Variants in NLRP5 observed in about 807,000 individuals in gnomAD.
The protein encoded by NLRP5 is NLR family pyrin domain containing 5.
Under a neutral mutation model 113.1 loss-of-function variants are expected in NLRP5, and 93 were observed. The observed-to-expected ratio is 0.82, with a 90% CI of 0.70 to 0.98. NLRP5 has a LOEUF of 0.98. Among genes scored for constraint, NLRP5 ranks in the 50% least tolerant of loss-of-function variants. The pLI, the probability that NLRP5 is intolerant of heterozygous loss-of-function variation, is 0.00. For synonymous variants in NLRP5, 751 were observed against 600.7 expected, an observed-to-expected ratio of 1.25 and a Z score of -3.66; for missense variants, 1,808 against 1,514.3, an observed-to-expected ratio of 1.19 and a Z score of -3.22.
At chr19:56,028,555 G>T in intron 7 of NLRP5, 46 bp downstream of exon 7, 1 of 1,542,348 alleles carries the variant, frequency 6.5e-7, no homozygotes, top group South Asian at 1.2e-5. Flanking sequence ...GCTGAGCTCT[G>T]TGTCTCTACT....
rs940298871 is a variant in NLRP5, at chr19:56,053,774, C to CTGAA, written c.3266_3269dup (p.Lys1090AsnfsTer21). 1.2e-6 allele frequency: 2 copies of CTGAA among 1,613,766 alleles called. No homozygotes were observed. The highest frequency in any genetic ancestry group is 1.7e-6 in the Non-Finnish European group (2 of 1,179,862). On this transcript the variant is annotated frameshift_variant, in exon 13 of 15. Transcript: ENST00000390649. LOFTEE classifies it high-confidence loss of function. ...TGGGGTTGCTGCGCTGTGCGAGGGACTGAAGCAAAAGAACAGTGTTCTGGC... is the reference window on the plus strand; with the variant it reads ...TGGGGTTGCTGCGCTGTGCGAGGGACTGAATGAAGCAAAAGAACAGTGTTCTGGC...
chr19:56,031,725 C>T (rs1475843075), intron 7 of NLRP5, among the ~76,000 whole-genome samples: 1 of 152,004 alleles, frequency 6.6e-6, no homozygotes, highest in African/African-American at 2.4e-5. Flanking sequence ...CCTCCAGGTT[C>T]ATCCACACTG....
intron 6 of NLRP5, among the ~76,000 whole-genome samples, chr19:56,024,824 C>T (rs114457571): frequency 0.015 from 2,212 of 152,122 alleles, 64 homozygotes; most frequent in African/African-American, 0.051. Context: ...TACAGATGCT[C>T]TACAGCAGGG....
At position 56,043,615 on chromosome 19, in the gene NLRP5, C is replaced by T. The variant is rs551790151; in HGVS notation, c.2957+2523C>T. ...GAGTCTCGCTCTGTCGCCCAGGCTG[C>T]AGTGCAGTGGCGTGATCTCCGGTCA... On this transcript the variant is annotated intron_variant, in intron 11 of 14. Transcript: ENST00000390649. Among the ~76,000 whole-genome samples, 11 of 121,070 alleles carry T rather than the reference C, an allele frequency of 9.1e-5. No individual in the cohort carries two copies. In the Admixed American group the frequency reaches 1.0e-3, roughly 11 times the overall value. The allele number at this position is 121,070 out of a possible 152,430, so 79.4% of individuals were successfully genotyped here. A position where few individuals can be genotyped will look rare whatever the true frequency, so the allele number is the denominator to read the frequency against.
chr19:55,991,247 A>G, the NLRP5 span, among the ~76,000 whole-genome samples: 8,084 of 152,260 alleles, frequency 0.053, 303 homozygotes, highest in Non-Finnish European at 0.078. Flanking sequence ...GAATTCATGA[A>G]CATAAATATT....
In NLRP5 at chr19:56,061,541, C is replaced by G; in HGVS notation, c.*13C>G. The G allele has an allele frequency of 1.2e-6, 2 of 1,613,882 alleles. No individual in the cohort carries two copies. The highest frequency in any genetic ancestry group is 1.7e-6 in the Non-Finnish European group (2 of 1,179,816). ...GTGGAAAAACTGAAGATACGGAAAC[C>G]TGCCCCACTCACACCCATCTGATGG... On this transcript the variant is annotated 3_prime_UTR_variant, in exon 15 of 15. Transcript: ENST00000390649.
chr19:56,002,625 C>T (rs1399855364), intron 1 of NLRP5, among the ~76,000 whole-genome samples: 4 of 149,948 alleles, frequency 2.7e-5, no homozygotes, highest in Non-Finnish European at 5.9e-5. Flanking sequence ...CTCCCCCAAC[C>T]CCACAACAGT....
Position 56,027,667 on chromosome 19 carries a change from C to T in NLRP5, c.1434C>T (p.Cys478=), listed in dbSNP as rs537345559. ...TGCCCGCCGTGGGCTCTCTCATCTG[C>T]GTGGCCCTGCAGCTGCAGGACGTGG... The change falls in exon 7 of 15, where the codon TGC becomes TGT. Residue 478 remains cysteine, a synonymous_variant. Coordinates refer to ENST00000390649, the MANE Select transcript of NLRP5 (RefSeq NM_153447.4). The T allele has an allele frequency of 5.5e-5, 88 of 1,613,314 alleles. No homozygotes were observed. Among genetic ancestry groups the T allele is most frequent in the Non-Finnish European group, 6.6e-5 (78 of 1,179,904 alleles).
intron 13 of NLRP5, among the ~76,000 whole-genome samples, chr19:56,057,172 T>G (rs932705933): frequency 2.0e-5 from 3 of 152,182 alleles, no homozygotes; most frequent in African/African-American, 7.2e-5. Context: ...TCTAGAATGA[T>G]TAGGACATGT....
intron 2 of NLRP5, among the ~76,000 whole-genome samples, chr19:56,006,452 C>T (rs1317476434): frequency 2.0e-5 from 3 of 151,914 alleles, no homozygotes; most frequent in Non-Finnish European, 4.4e-5. Context: ...TGGTATAGGC[C>T]AGGTGGGTGT....
upstream of NLRP5, among the ~76,000 whole-genome samples, chr19:55,999,457 C>G (rs1981534830): frequency 6.6e-6 from 1 of 152,046 alleles, no homozygotes; most frequent in South Asian, 2.1e-4. Context: ...CTCAGGTGAT[C>G]TGCCCGCCTC....
chr19:56,039,295 TC>T (rs1448133063), intron 10 of NLRP5, among the ~76,000 whole-genome samples: 2 of 152,136 alleles, frequency 1.3e-5, no homozygotes, highest in African/African-American at 4.8e-5. Flanking sequence ...GCCAGCCAAA[TC>T]TAAATTAAAT....
intron 9 of NLRP5, among the ~76,000 whole-genome samples, chr19:56,034,686 A>G (rs989715089): frequency 4.6e-5 from 7 of 152,212 alleles, no homozygotes; most frequent in African/African-American, 1.7e-4. Flanking sequence ...GTCGCCTGAA[A>G]CTGGCTTTGC....
intron 6 of NLRP5, among the ~76,000 whole-genome samples, chr19:56,021,978 A>G (rs1455100392): frequency 6.6e-6 from 1 of 152,202 alleles, no homozygotes; most frequent in Non-Finnish European, 1.5e-5. Context: ...AGACAGCTTC[A>G]AGCTGGGCTA....
the NLRP5 span, among the ~76,000 whole-genome samples, chr19:55,990,955 G>C: frequency 2.5e-3 from 377 of 152,166 alleles, 1 homozygote; most frequent in Non-Finnish European, 3.9e-3. Flanking sequence ...CTGTACTCTA[G>C]CCTGGGCAAC....
rs529592617 is a variant in NLRP5, at chr19:56,042,860, C to T, written c.2957+1768C>T. Among the ~76,000 whole-genome samples the T allele has an allele frequency of 3.9e-5, 6 of 152,296 alleles. No homozygotes were observed. In the East Asian group the frequency reaches 1.2e-3, roughly 29 times the overall value. On this transcript the variant is annotated intron_variant, in intron 11 of 14. Transcript: ENST00000390649. ...TGAAAATATACGATGTTTGGTTTTC[C>T]ATTCCTGAGTTACTTCACTTAGAAT...
intron 4 of NLRP5, among the ~76,000 whole-genome samples, chr19:56,017,788 A>G (rs1305645711): frequency 6.6e-6 from 1 of 152,062 alleles, no homozygotes; most frequent in African/African-American, 2.4e-5. Context: ...TAGCGTCACT[A>G]TGTGCCTGGT....
the NLRP5 span, among the ~76,000 whole-genome samples, chr19:55,989,377 C>G: frequency 4.1e-4 from 63 of 152,108 alleles, no homozygotes; most frequent in African/African-American, 1.4e-3. Flanking sequence ...CTCAGCCTCC[C>G]GAGTAGCTGG....
chr19:56,057,797 A>G (rs1984210887), intron 13 of NLRP5, among the ~76,000 whole-genome samples: 1 of 152,086 alleles, frequency 6.6e-6, no homozygotes, highest in South Asian at 2.1e-4. Flanking sequence ...AGGCTGAGGC[A>G]GGTGGATCAT....
Sources: allele counts gnomAD v4.1 joint callset (sites outside exome capture counted in the v4.1 genomes callset), GRCh38; gene constraint gnomAD v4.1.1; transcripts MANE v1.5; gene names NCBI Gene and HGNC (gene_info 2026-07-23, HGNC 2026-07-21).